The following HS6ST2 variants were observed in gnomAD, a reference collection of about 807,000 sequenced individuals.
HS6ST2 encodes heparan sulfate 6-O-sulfotransferase 2.
A neutral mutation model predicts 33.0 loss-of-function variants in HS6ST2; 17 were observed. The ratio of observed to expected loss-of-function variants is 0.52; its 90% CI spans 0.35 to 0.77. HS6ST2 has a LOEUF of 0.77. HS6ST2 is among the 30% of genes least tolerant of loss of function. HS6ST2 has a pLI of 0.01. For synonymous variants in HS6ST2, 248 were observed against 237.1 expected (o/e 1.05, Z -0.42); for missense variants, 519 against 551.7 (o/e 0.94, Z 0.59).
At chrX:132,814,934 A>C (rs1483000087) in intron 2 of HS6ST2, among the ~76,000 whole-genome samples, 1 of 112,141 alleles carries the variant, frequency 8.9e-6, no homozygotes, top group East Asian at 2.8e-4. Flanking sequence ...TTTAAAACCC[A>C]AGTCAAATGC....
At chrX:132,679,781 C>A (rs1207888941) in intron 3 of HS6ST2, among the ~76,000 whole-genome samples, 1 of 108,463 alleles carries the variant, frequency 9.2e-6, no homozygotes, top group East Asian at 2.9e-4. Context: ...AGACCCACCC[C>A]CAGGCGCGTA....
chrX:132,811,493 A>C, intron 2 of HS6ST2, among the ~76,000 whole-genome samples: 1 of 105,856 alleles, frequency 9.4e-6, no homozygotes, highest in African/African-American at 3.4e-5. Flanking sequence ...CCCTTTCGCA[A>C]CCTCTGGCAA....
chrX:132,648,934 A>G (rs977359402), intron 4 of HS6ST2, among the ~76,000 whole-genome samples: 1 of 112,091 alleles, frequency 8.9e-6, no homozygotes, highest in African/African-American at 3.2e-5. Flanking sequence ...GTGGGGTAAC[A>G]CATATTTTAT....
intron 2 of HS6ST2, among the ~76,000 whole-genome samples, chrX:132,776,744 CAGTT>C (rs201108090): frequency 0.034 from 3,736 of 111,243 alleles, 102 homozygotes; most frequent in African/African-American, 0.088. Flanking sequence ...TCAAGCCAGT[CAGTT>C]AGTCACTAGG....
intron 3 of HS6ST2, among the ~76,000 whole-genome samples, chrX:132,679,890 G>A (rs961010375): frequency 1.8e-5 from 2 of 109,527 alleles, no homozygotes; most frequent in Non-Finnish European, 3.8e-5. Context: ...GTTCCACCTG[G>A]CTCACCAGCG....
At chrX:132,747,238 A>T (rs2064653395) in intron 2 of HS6ST2, among the ~76,000 whole-genome samples, 1 of 111,931 alleles carries the variant, frequency 8.9e-6, no homozygotes, top group South Asian at 3.8e-4. Context: ...TGATGGTTTG[A>T]GGACAAAACC....
intron 2 of HS6ST2, among the ~76,000 whole-genome samples, chrX:132,715,722 A>G (rs1013924345): frequency 8.9e-6 from 1 of 112,233 alleles, no homozygotes; most frequent in African/African-American, 3.2e-5. Flanking sequence ...CAATCACACA[A>G]CCCTTCAGAA....
At chrX:132,658,099 C>T (rs1250533244) in intron 4 of HS6ST2, among the ~76,000 whole-genome samples, 2 of 110,607 alleles carry the variant, frequency 1.8e-5, no homozygotes, top group Non-Finnish European at 3.8e-5. Context: ...AACAGCGAAA[C>T]TCTTTAGACT....
Position 132,750,557 on chromosome X carries a change from G to C in HS6ST2, c.948-42063C>G, listed in dbSNP as rs767486641. Among the ~76,000 whole-genome samples, 14 of 111,363 alleles carry C rather than the reference G, an allele frequency of 1.3e-4. No individual in the cohort carries two copies. In the East Asian group the frequency reaches 3.9e-3, roughly 31 times the overall value. On this transcript the variant is annotated intron_variant, in intron 2 of 4. Coordinates refer to ENST00000370833, the MANE Select transcript of HS6ST2 (RefSeq NM_001394073.1). ...AAGACATCTGTTTAGAGTTTCTTTG[G>C]CTCCAGCACTTTATTTTGTGGTGTG...
chrX:132,871,394 C>T (rs914710488), intron 2 of HS6ST2, among the ~76,000 whole-genome samples: 2 of 111,789 alleles, frequency 1.8e-5, no homozygotes, highest in Non-Finnish European at 3.8e-5. Context: ...GATCTAGAAC[C>T]AGAAATACCA....
chrX:132,731,649 C>T (rs2064457518), intron 2 of HS6ST2, among the ~76,000 whole-genome samples: 1 of 111,314 alleles, frequency 9.0e-6, no homozygotes, highest in Admixed American at 9.5e-5. Flanking sequence ...AGATCGAGAC[C>T]ATCCTGGCTA....
At chrX:132,760,243 G>C (rs1269134482) in intron 2 of HS6ST2, among the ~76,000 whole-genome samples, 1 of 110,716 alleles carries the variant, frequency 9.0e-6, no homozygotes, top group African/African-American at 3.3e-5. Context: ...GATATGGTTT[G>C]GCTGTGTCCC....
intron 3 of HS6ST2, among the ~76,000 whole-genome samples, chrX:132,689,777 GC>G (rs891337093): frequency 8.9e-6 from 1 of 112,419 alleles, no homozygotes; most frequent in Non-Finnish European, 1.9e-5. Context: ...TCAGTTTGAA[GC>G]AAGCTTGTAC....
At chrX:132,838,465 G>A (rs148394693) in intron 2 of HS6ST2, among the ~76,000 whole-genome samples, 1 of 111,827 alleles carries the variant, frequency 8.9e-6, no homozygotes, top group Non-Finnish European at 1.9e-5. Context: ...GGTCTAAGGA[G>A]GCTTTGGCTC....
intron 2 of HS6ST2, among the ~76,000 whole-genome samples, chrX:132,724,694 C>A (rs187309862): frequency 9.0e-6 from 1 of 111,598 alleles, no homozygotes; most frequent in Non-Finnish European, 1.9e-5. Flanking sequence ...CCCAGAATAG[C>A]CAAAACTATC....
chrX:132,821,082 C>T (rs779275413), intron 2 of HS6ST2, among the ~76,000 whole-genome samples: 1 of 110,896 alleles, frequency 9.0e-6, no homozygotes, highest in Non-Finnish European at 1.9e-5. Flanking sequence ...ATAAAACCCT[C>T]ATTAACAAAG....
intron 2 of HS6ST2, among the ~76,000 whole-genome samples, chrX:132,930,158 T>TG (rs758470848): frequency 8.2e-5 from 9 of 109,339 alleles, no homozygotes; most frequent in Admixed American, 5.9e-4. Context: ...TTGTTGTTGT[T>TG]TTGTTTTGTT....
At chrX:132,747,202 G>A in intron 2 of HS6ST2, among the ~76,000 whole-genome samples, 1 of 111,849 alleles carries the variant, frequency 8.9e-6, no homozygotes, top group East Asian at 2.8e-4. Context: ...CCCTGGAGGA[G>A]GTGATGCATG....
chrX:132,722,214 C>T (rs1207490798), intron 2 of HS6ST2, among the ~76,000 whole-genome samples: 4 of 104,997 alleles, frequency 3.8e-5, no homozygotes, highest in Non-Finnish European at 7.8e-5. Context: ...AAAAAAGAAC[C>T]AGAGAAACAA....
Sources: gnomAD v4.1 joint callset for allele counts (sites outside exome capture counted in the v4.1 genomes callset) on GRCh38, gnomAD v4.1.1 for gene constraint, MANE v1.5 for transcripts, NCBI Gene and HGNC (gene_info 2026-07-23, HGNC 2026-07-21) for gene names.